NRG1: variants seen among roughly 807,000 people sequenced by gnomAD.
The protein encoded by NRG1 is pro-neuregulin-1, membrane-bound isoform.
A neutral mutation model predicts 63.8 loss-of-function variants in NRG1; 18 were observed. The ratio of observed to expected loss-of-function variants is 0.28; its 90% CI spans 0.19 to 0.42. The LOEUF is 0.42. Ranked by LOEUF, NRG1 falls within the 10% of genes least tolerant of loss-of-function variation. The pLI is 1.00. For missense variants in NRG1, 762 were observed against 814.7 expected (o/e 0.94, Z 0.79); for synonymous variants, 302 against 301.3 (o/e 1.00, Z -0.02).
At chr8:32,121,777 G>A (rs1310197908) in intron 1 of NRG1, among the ~76,000 whole-genome samples, 1 of 151,914 alleles carries the variant, frequency 6.6e-6, no homozygotes, top group Non-Finnish European at 1.5e-5. Context: ...CCACATTTGA[G>A]GCCCCAGCAA....
chr8:31,950,755 C>A (rs1323064663), intron 1 of NRG1, among the ~76,000 whole-genome samples: 1 of 152,098 alleles, frequency 6.6e-6, no homozygotes, highest in Non-Finnish European at 1.5e-5. Context: ...ATGCCATATG[C>A]CTTCCATGTC....
intron 1 of NRG1, among the ~76,000 whole-genome samples, chr8:32,326,437 A>C (rs1442714268): frequency 1.3e-5 from 2 of 150,288 alleles, no homozygotes; most frequent in Non-Finnish European, 2.9e-5. Flanking sequence ...TCAGTCTCCC[A>C]AGTATCTGGG....
chr8:32,376,983 A>G (rs919198737), intron 1 of NRG1, among the ~76,000 whole-genome samples: 1 of 152,236 alleles, frequency 6.6e-6, no homozygotes, highest in Non-Finnish European at 1.5e-5. Context: ...TTAATAGCGC[A>G]TATTGACTGA....
At chr8:32,159,427 T>G (rs4733300) in intron 1 of NRG1, among the ~76,000 whole-genome samples, 121,166 of 147,766 alleles carry the variant, frequency 0.82, 50,305 homozygotes, top group African/African-American at 0.93. Flanking sequence ...CCAGCTACTC[T>G]GGAGGCTGAG....
At chr8:31,758,579 G>C (rs748319793) in intron 1 of NRG1, among the ~76,000 whole-genome samples, 8 of 152,102 alleles carry the variant, frequency 5.3e-5, no homozygotes, top group Non-Finnish European at 1.2e-4. Context: ...CATGGATGAA[G>C]TGCCTGGATT....
intron 1 of NRG1, among the ~76,000 whole-genome samples, chr8:32,482,265 T>C (rs1245379874): frequency 6.6e-6 from 1 of 152,160 alleles, no homozygotes; most frequent in African/African-American, 2.4e-5. Context: ...CCACTGAAAC[T>C]ATCAAAATGA....
intron 1 of NRG1, among the ~76,000 whole-genome samples, chr8:32,453,695 ATTT>A (rs1821253436): frequency 6.6e-6 from 1 of 152,196 alleles, no homozygotes; most frequent in African/African-American, 2.4e-5. Flanking sequence ...CACAGCAATT[ATTT>A]GTGATTTCGA....
chr8:31,729,310 A>G (rs117815041), intron 1 of NRG1, among the ~76,000 whole-genome samples: 1 of 151,890 alleles, frequency 6.6e-6, no homozygotes, highest in Admixed American at 6.6e-5. Flanking sequence ...TCTGCTTTCT[A>G]CCTTGGCAAG....
chr8:32,251,682 G>A lies in NRG1; in HGVS notation c.38-344146G>A, dbSNP rs571937211. On this transcript the variant is annotated intron_variant, in intron 1 of 10. Coordinates refer to the NRG1 transcript ENST00000519301. ...AATTTACACTCCCAACAGTGTAAAA[G>A]TGTTCCTATTTCTCCACATCTTCTC... 3.3e-5 allele frequency among the ~76,000 whole-genome samples: 5 copies of A among 152,306 alleles called. No homozygotes were observed. In the South Asian group the frequency reaches 1.0e-3, roughly 32 times the overall value.
intron 1 of NRG1, among the ~76,000 whole-genome samples, chr8:32,338,271 C>T (rs1263306748): frequency 6.6e-6 from 1 of 152,136 alleles, no homozygotes; most frequent in Non-Finnish European, 1.5e-5. Flanking sequence ...GCAGTTATCA[C>T]CGGAAGTTGA....
At chr8:32,760,167 A>G in intron 10 of NRG1, 33 bp from the exon 11 acceptor site, 1 of 1,610,764 alleles carries the variant, frequency 6.2e-7, no homozygotes, top group Non-Finnish European at 8.5e-7. Context: ...TTTTGCACGA[A>G]ATATCTGATT....
chr8:31,772,765 T>C (rs993069179), intron 1 of NRG1, among the ~76,000 whole-genome samples: 2 of 152,176 alleles, frequency 1.3e-5, no homozygotes, highest in African/African-American at 2.4e-5. Flanking sequence ...GTTGTTGTAA[T>C]GGCAAAGGGG....
At chr8:32,410,451 G>A (rs537105044) in intron 1 of NRG1, among the ~76,000 whole-genome samples, 2 of 152,142 alleles carry the variant, frequency 1.3e-5, no homozygotes, top group Admixed American at 1.3e-4. Context: ...ACAGGTGTGA[G>A]TCACCATGGC....
At chr8:32,747,030 C>G (rs1827576431) in intron 7 of NRG1, among the ~76,000 whole-genome samples, 1 of 151,826 alleles carries the variant, frequency 6.6e-6, no homozygotes, top group Non-Finnish European at 1.5e-5. Context: ...TTTTAAGTAC[C>G]AATTTCCCAT....
At chr8:32,605,217 G>A (rs1845063121) in intron 2 of NRG1, among the ~76,000 whole-genome samples, 1 of 152,118 alleles carries the variant, frequency 6.6e-6, no homozygotes, top group Non-Finnish European at 1.5e-5. Flanking sequence ...TTTGGATATA[G>A]AAAAGTAAGA....
chr8:32,500,002 A>G (rs1344047309), intron 1 of NRG1, among the ~76,000 whole-genome samples: 3 of 152,214 alleles, frequency 2.0e-5, no homozygotes, highest in Admixed American at 2.0e-4. Flanking sequence ...GATAATGAAC[A>G]TTCACAAGGG....
chr8:31,908,088 A>T (rs1721865176), intron 1 of NRG1, among the ~76,000 whole-genome samples: 1 of 152,198 alleles, frequency 6.6e-6, no homozygotes, highest in Non-Finnish European at 1.5e-5. Flanking sequence ...GATCTTCAAA[A>T]AGGCAGCAAG....
intron 1 of NRG1, among the ~76,000 whole-genome samples, chr8:32,439,367 T>G (rs1246713100): frequency 6.6e-6 from 1 of 152,230 alleles, no homozygotes; most frequent in Non-Finnish European, 1.5e-5. Context: ...TACATCTAAA[T>G]TTTTATTTGG....
chr8:31,711,719 C>T (rs1384907695), intron 1 of NRG1, among the ~76,000 whole-genome samples: 1 of 152,174 alleles, frequency 6.6e-6, no homozygotes, highest in Non-Finnish European at 1.5e-5. Context: ...TTATGAACAA[C>T]AGAAATTTAT....
Sources: gnomAD v4.1 joint callset for allele counts (sites outside exome capture counted in the v4.1 genomes callset) on GRCh38, gnomAD v4.1.1 for gene constraint, MANE v1.5 for transcripts, NCBI Gene and HGNC (gene_info 2026-07-23, HGNC 2026-07-21) for gene names.